The following DMRT1 variants were observed in gnomAD, a reference collection of about 807,000 sequenced individuals.
DMRT1 encodes the protein doublesex and mab-3 related transcription factor 1.
A neutral mutation model predicts 32.3 loss-of-function variants in DMRT1; 7 were observed. That is an observed-to-expected ratio of 0.22 (90% CI 0.12 to 0.41). The LOEUF (loss-of-function observed/expected upper bound fraction) is 0.41, where lower values mean the gene tolerates loss of function less well. Ranked by LOEUF, DMRT1 falls within the 10% of genes least tolerant of loss-of-function variation. The pLI, the probability that DMRT1 is intolerant of heterozygous loss-of-function variation, is 1.00. For missense variants in DMRT1, 625 were observed against 500.5 expected, an observed-to-expected ratio of 1.25 and a Z score of -2.37; for synonymous variants, 278 against 206.1, an observed-to-expected ratio of 1.35 and a Z score of -2.99.
intron 2 of DMRT1, among the ~76,000 whole-genome samples, chr9:871,265 C>T (rs1816237598): frequency 6.6e-6 from 1 of 151,352 alleles, no homozygotes; most frequent in African/African-American, 2.4e-5. Context: ...TGAGCTCGAG[C>T]AATTCTCCAC....
rs987809644 is a variant in DMRT1, at chr9:968,851, C to T, written c.*712C>T. 1 of 152,612 alleles carries T rather than the reference C, an allele frequency of 6.6e-6. No individual in the cohort carries two copies. Among genetic ancestry groups the T allele is most frequent in the Non-Finnish European group, 1.5e-5 (1 of 68,100 alleles). 9.5% of individuals were successfully genotyped at this position (152,612 alleles called of 1,614,324 possible). A position where few individuals can be genotyped will look rare whatever the true frequency, so the allele number is the denominator to read the frequency against. On this transcript the variant is annotated 3_prime_UTR_variant, in exon 5 of 5. Coordinates refer to ENST00000382276, the MANE Select transcript of DMRT1 (RefSeq NM_021951.3). ...AGAATGAGTTTATCATACATTCTTT[C>T]TACTACTGGAAAAAAATGGATGCAG...
At chr9:897,161 G>A (rs983876018) in intron 3 of DMRT1, among the ~76,000 whole-genome samples, 2 of 151,294 alleles carry the variant, frequency 1.3e-5, no homozygotes, top group African/African-American at 2.4e-5. Flanking sequence ...CGCCCAGGCT[G>A]GGGTGCAGTG....
chr9:870,045 A>C (rs1474227999), intron 2 of DMRT1, among the ~76,000 whole-genome samples: 1 of 152,168 alleles, frequency 6.6e-6, no homozygotes, highest in Non-Finnish European at 1.5e-5. Flanking sequence ...AGTTTTTGAG[A>C]GCTTTCTCTT....
At chr9:888,657 GCA>G (rs1817025655) in intron 2 of DMRT1, among the ~76,000 whole-genome samples, 1 of 151,724 alleles carries the variant, frequency 6.6e-6, no homozygotes, top group African/African-American at 2.4e-5. Context: ...GCAGTCAGGG[GCA>G]TGAAGGTATC....
At chr9:944,532 A>AT (rs1819180415) in intron 4 of DMRT1, among the ~76,000 whole-genome samples, 1 of 152,194 alleles carries the variant, frequency 6.6e-6, no homozygotes. Context: ...AGTCCTCCTG[A>AT]TTGTTTGCAT....
intron 3 of DMRT1, 105 bp downstream of exon 3, chr9:894,300 GA>G: frequency 2.4e-6 from 3 of 1,252,712 alleles, no homozygotes; most frequent in Non-Finnish European, 3.5e-6. Context: ...TGTGCGCCCA[GA>G]GGCACACACA....
chr9:895,975 T>C (rs1817343214), intron 3 of DMRT1, among the ~76,000 whole-genome samples: 1 of 151,386 alleles, frequency 6.6e-6, no homozygotes, highest in Non-Finnish European at 1.5e-5. Context: ...CAGCTAATTT[T>C]TGTATTTTTA....
intron 4 of DMRT1, among the ~76,000 whole-genome samples, chr9:930,451 G>A (rs1013134901): frequency 4.0e-5 from 6 of 150,534 alleles, no homozygotes; most frequent in African/African-American, 9.8e-5. Flanking sequence ...TCGCTCTGTC[G>A]CCCAGGCTGG....
At chr9:875,078 G>A (rs1042167896) in intron 2 of DMRT1, among the ~76,000 whole-genome samples, 1 of 152,024 alleles carries the variant, frequency 6.6e-6, no homozygotes, top group Non-Finnish European at 1.5e-5. Flanking sequence ...CCAAAGTGCT[G>A]GGATTACAGG....
chr9:897,283 T>G (rs566572925), intron 3 of DMRT1, among the ~76,000 whole-genome samples: 6 of 151,902 alleles, frequency 3.9e-5, no homozygotes, highest in African/African-American at 1.4e-4. Flanking sequence ...TGGCTATTTT[T>G]TTTTCTGTAT....
chr9:876,824 CCAGGTAA>C (rs1164494875), intron 2 of DMRT1, among the ~76,000 whole-genome samples: 4 of 152,164 alleles, frequency 2.6e-5, no homozygotes, highest in African/African-American at 9.7e-5. Context: ...ACCACTGTGC[CCAGGTAA>C]CAGGTGTCTG....
intron 2 of DMRT1, among the ~76,000 whole-genome samples, chr9:871,887 G>T (rs889182778): frequency 6.6e-6 from 1 of 151,320 alleles, no homozygotes; most frequent in African/African-American, 2.5e-5. Flanking sequence ...ACTGCTTTGA[G>T]TTTAAAACGA....
intron 2 of DMRT1, among the ~76,000 whole-genome samples, chr9:872,644 G>A (rs1816323712): frequency 6.6e-6 from 1 of 152,168 alleles, no homozygotes; most frequent in Non-Finnish European, 1.5e-5. Context: ...GTTGTAGCAT[G>A]TTTCAGGACA....
At chr9:856,497 C>G (rs1815407101) in intron 2 of DMRT1, among the ~76,000 whole-genome samples, 1 of 152,142 alleles carries the variant, frequency 6.6e-6, no homozygotes, top group African/African-American at 2.4e-5. Context: ...GATGTGTAAC[C>G]TTTTGTGTCT....
At chr9:902,346 C>CT (rs1444360070) in intron 3 of DMRT1, among the ~76,000 whole-genome samples, 4 of 150,894 alleles carry the variant, frequency 2.7e-5, no homozygotes, top group African/African-American at 4.9e-5. Flanking sequence ...CTCCACCTTT[C>CT]TTTTTTAAGA....
chr9:862,276 G>T (rs1194188481), intron 2 of DMRT1, among the ~76,000 whole-genome samples: 2 of 152,188 alleles, frequency 1.3e-5, no homozygotes, highest in Non-Finnish European at 2.9e-5. Context: ...GAGGCTGGCA[G>T]ACCACTCGCG....
At chr9:857,377 C>T (rs1221108424) in intron 2 of DMRT1, among the ~76,000 whole-genome samples, 1 of 152,014 alleles carries the variant, frequency 6.6e-6, no homozygotes, top group Non-Finnish European at 1.5e-5. Context: ...GAAAACGTTC[C>T]TTTCTTACTT....
chr9:922,172 C>T (rs10977510), intron 4 of DMRT1, among the ~76,000 whole-genome samples: 83,642 of 151,688 alleles, frequency 0.55, 25,818 homozygotes, highest in South Asian at 0.71. Flanking sequence ...AGCCATCTTA[C>T]CTGGCCAAGA....
chr9:943,570 C>G (rs1166774873), intron 4 of DMRT1, among the ~76,000 whole-genome samples: 2 of 152,328 alleles, frequency 1.3e-5, no homozygotes, highest in Middle Eastern at 3.4e-3. Context: ...ACACTTACAT[C>G]CTGAATTTGG....
Sources: gnomAD v4.1 joint callset for allele counts (sites outside exome capture counted in the v4.1 genomes callset) on GRCh38, gnomAD v4.1.1 for gene constraint, MANE v1.5 for transcripts, NCBI Gene and HGNC (gene_info 2026-07-23, HGNC 2026-07-21) for gene names.